The following ANTXR1 variants were observed in gnomAD, a reference collection of about 807,000 sequenced individuals.
ANTXR1 encodes the protein anthrax toxin receptor 1.
ANTXR1 carries 19 observed loss-of-function variants against 78.1 expected under a neutral mutation model. That is an observed-to-expected ratio of 0.24 (90% confidence interval 0.17 to 0.36). The LOEUF (loss-of-function observed/expected upper bound fraction) is 0.36, where lower values mean the gene tolerates loss of function less well. ANTXR1 is among the 10% of genes least tolerant of loss of function. ANTXR1 has a pLI of 1.00. For synonymous variants in ANTXR1, 273 were observed against 260.5 expected (o/e 1.05, Z -0.46); for missense variants, 518 against 718.6 (o/e 0.72, Z 3.19).
intron 9 of ANTXR1, among the ~76,000 whole-genome samples, chr2:69,094,825 A>C (rs1162864967): frequency 6.6e-6 from 1 of 152,236 alleles, no homozygotes; most frequent in African/African-American, 2.4e-5. Flanking sequence ...AATGGGACAA[A>C]TATAAAGCGT....
At chr2:69,075,715 A>G in intron 7 of ANTXR1, 57 bp downstream of exon 7, 1 of 1,493,366 alleles carries the variant, frequency 6.7e-7, no homozygotes, top group South Asian at 1.1e-5. Context: ...ATCATGAAGA[A>G]CATGTTCAGT....
intron 3 of ANTXR1, among the ~76,000 whole-genome samples, chr2:69,048,249 T>G (rs1319523534): frequency 2.0e-5 from 3 of 152,176 alleles, no homozygotes; most frequent in African/African-American, 7.2e-5. Flanking sequence ...AAATGCAATT[T>G]TGCCTTTTGT....
At chr2:69,219,066 T>G (rs1675248788) in intron 17 of ANTXR1, among the ~76,000 whole-genome samples, 1 of 152,146 alleles carries the variant, frequency 6.6e-6, no homozygotes, top group Non-Finnish European at 1.5e-5. Context: ...AATGAATGCT[T>G]AAAAGAATTA....
chr2:69,125,203 C>T (rs1350897157), intron 12 of ANTXR1, among the ~76,000 whole-genome samples: 1 of 152,132 alleles, frequency 6.6e-6, no homozygotes, highest in Non-Finnish European at 1.5e-5. Flanking sequence ...GGAGCCCTTA[C>T]AATAGGGATT....
chr2:69,041,755 G>A (rs1669622249), intron 2 of ANTXR1, among the ~76,000 whole-genome samples: 1 of 152,192 alleles, frequency 6.6e-6, no homozygotes, highest in Admixed American at 6.5e-5. Context: ...GCAGGGGCAA[G>A]GGAGGGGATT....
chr2:69,125,454 A>C (rs11886105), intron 12 of ANTXR1, among the ~76,000 whole-genome samples: 1,935 of 152,108 alleles, frequency 0.013, 36 homozygotes, highest in African/African-American at 0.043. Context: ...GTGACTGAGA[A>C]CCCGTCAGCC....
chr2:69,021,068 A>G lies in ANTXR1; in HGVS notation c.152+7417A>G, dbSNP rs566897066. 1.2e-4 allele frequency among the ~76,000 whole-genome samples: 18 copies of G among 152,350 alleles called. No homozygotes were observed. In the East Asian group the frequency reaches 3.5e-3, roughly 29 times the overall value. On this transcript the variant is annotated intron_variant, in intron 1 of 17. Transcript: ENST00000303714. Reference sequence around the variant, plus strand: ...TTGGGAAAGGGGCCAAGTAAAGTCAATTTTAGATCAGTAAGAAATAAGAAG... The same window carrying G: ...TTGGGAAAGGGGCCAAGTAAAGTCAGTTTTAGATCAGTAAGAAATAAGAAG...
At chr2:69,095,681 GC>G (rs1671377455) in intron 9 of ANTXR1, among the ~76,000 whole-genome samples, 1 of 152,176 alleles carries the variant, frequency 6.6e-6, no homozygotes, top group Non-Finnish European at 1.5e-5. Flanking sequence ...TACAACTAAA[GC>G]TTTCCAACAA....
At chr2:69,103,927 C>T (rs1671717709) in intron 10 of ANTXR1, among the ~76,000 whole-genome samples, 1 of 149,552 alleles carries the variant, frequency 6.7e-6, no homozygotes, top group Admixed American at 6.7e-5. Context: ...GTTTTCTCCT[C>T]CTGATAGCCT....
At chr2:69,062,363 T>C (rs573019270) in intron 3 of ANTXR1, among the ~76,000 whole-genome samples, 7 of 152,318 alleles carry the variant, frequency 4.6e-5, no homozygotes, top group African/African-American at 1.7e-4. Context: ...TCTGGAGTCC[T>C]ACCAGAGTGA....
intron 13 of ANTXR1, 63 bp downstream of exon 13, chr2:69,152,327 G>C: frequency 2.6e-6 from 4 of 1,519,434 alleles, no homozygotes; most frequent in Non-Finnish European, 3.7e-6. Context: ...CAGACCATGA[G>C]TAGAGAGAAA....
chr2:69,164,443 C>T (rs1421566648), intron 13 of ANTXR1, among the ~76,000 whole-genome samples: 2 of 152,210 alleles, frequency 1.3e-5, no homozygotes, highest in African/African-American at 4.8e-5. Flanking sequence ...TTTATCCCTC[C>T]CTTTTCAGGA....
In ANTXR1 at chr2:69,068,240, C is replaced by T. The variant is rs1480169146; in HGVS notation, c.297-2407C>T. Reference sequence around the variant, plus strand: ...GGGACCAAAACAGCCATGGCCCAGTCCTCAAGGAATTTAAAGTCTAGAACT... The same window carrying T: ...GGGACCAAAACAGCCATGGCCCAGTTCTCAAGGAATTTAAAGTCTAGAACT... On this transcript the variant is annotated intron_variant, in intron 3 of 17. Coordinates refer to ENST00000303714, the MANE Select transcript of ANTXR1 (RefSeq NM_032208.3). 2.0e-5 allele frequency among the ~76,000 whole-genome samples: 3 copies of T among 152,144 alleles called. No homozygotes were observed. The East Asian group carries it at 5.8e-4, about 29-fold the overall frequency.
At chr2:69,109,127 G>A (rs1024694025) in intron 10 of ANTXR1, among the ~76,000 whole-genome samples, 1 of 152,082 alleles carries the variant, frequency 6.6e-6, no homozygotes, top group Admixed American at 6.5e-5. Flanking sequence ...AATGAGTATG[G>A]CAATAATAGC....
intron 17 of ANTXR1, among the ~76,000 whole-genome samples, chr2:69,229,985 G>T (rs1675550500): frequency 6.6e-6 from 1 of 152,130 alleles, no homozygotes; most frequent in African/African-American, 2.4e-5. Context: ...CACTCAGCAT[G>T]ATTTGCTTCC....
intron 17 of ANTXR1, among the ~76,000 whole-genome samples, chr2:69,219,411 A>ACACACACACACACACACACT (rs1675262633): frequency 6.6e-6 from 1 of 151,842 alleles, no homozygotes; most frequent in Admixed American, 6.6e-5. Context: ...ACACACACAC[A>ACACACACACACACACACACT]CACACACACA....
rs1199831162 is a variant in ANTXR1 at position 69,108,429 on chromosome 2, A to G, written c.802+5489A>G. ...TGTTCAGCAACGACCATTAGAAAAT[A>G]TCACAAGAAAAATATAGCAACAACA... On this transcript the variant is annotated intron_variant, in intron 10 of 17. Coordinates refer to ENST00000303714, the MANE Select transcript of ANTXR1 (RefSeq NM_032208.3). Among the ~76,000 whole-genome samples the G allele has an allele frequency of 2.0e-5, 3 of 152,262 alleles. No homozygotes were observed. In the South Asian group the frequency reaches 6.2e-4, roughly 32 times the overall value.
chr2:69,099,551 C>T (rs1391788195), intron 9 of ANTXR1, among the ~76,000 whole-genome samples: 1 of 152,208 alleles, frequency 6.6e-6, no homozygotes, highest in African/African-American at 2.4e-5. Flanking sequence ...CAGCATTTTA[C>T]ATTTCCACCA....
chr2:69,201,400 G>A (rs1674769008), intron 17 of ANTXR1, among the ~76,000 whole-genome samples: 1 of 152,190 alleles, frequency 6.6e-6, no homozygotes, highest in Non-Finnish European at 1.5e-5. Context: ...GAGGCACTGA[G>A]AGGAGGGACT....
Sources: gnomAD v4.1 joint callset for allele counts (sites outside exome capture counted in the v4.1 genomes callset) on GRCh38, gnomAD v4.1.1 for gene constraint, MANE v1.5 for transcripts, NCBI Gene and HGNC (gene_info 2026-07-23, HGNC 2026-07-21) for gene names.